ATP2A3: variants seen among roughly 807,000 people sequenced by gnomAD.
The protein encoded by ATP2A3 is sarcoplasmic/endoplasmic reticulum calcium ATPase 3.
In ATP2A3, 61 loss-of-function variants were observed where a neutral mutation model predicts 106.8. The observed-to-expected ratio is 0.57, with a 90% CI of 0.46 to 0.71. The LOEUF is 0.71. Ranked by LOEUF, ATP2A3 falls within the 30% of genes least tolerant of loss-of-function variation. The pLI is 0.00. For missense variants in ATP2A3, 1,201 were observed against 1,423.5 expected, an observed-to-expected ratio of 0.84 and a Z score of 2.52; for synonymous variants, 611 against 609.3, an observed-to-expected ratio of 1.00 and a Z score of -0.04.
rs2054559235 is a variant in ATP2A3, at chr17:3,953,261, G to C, written c.219+86C>G. On this transcript the variant is annotated intron_variant, in intron 3 of 20. Transcript: ENST00000397041. This position sits in a 1 kb window ranked among gnomAD's most constrained non-coding sequence, Gnocchi z 5.1. ...CCCAGGGTGTGGAGGACAGGCCCAG[G>C]CTCCAGGACCTCGGAGCACTGCCCA... The C allele has an allele frequency of 1.4e-5, 20 of 1,454,532 alleles. No individual in the cohort carries two copies. Among genetic ancestry groups the C allele is most frequent in the South Asian group, 3.4e-5 (3 of 87,626 alleles). The allele number at this position is 1,454,532 out of a possible 1,614,324, so 90.1% of individuals were successfully genotyped here.
In ATP2A3 at chr17:3,926,965, G is replaced by A. The variant is rs1189081555; in HGVS notation, c.2981-1524C>T. ...GCTTCCCCACTGCCCTGAGGACAATGTCCAGGGTCTCTACCTTGGCACTCA... is the reference window on the plus strand; with the variant it reads ...GCTTCCCCACTGCCCTGAGGACAATATCCAGGGTCTCTACCTTGGCACTCA... On this transcript the variant is annotated intron_variant, in intron 20 of 20. Coordinates refer to ENST00000397041, the MANE Select transcript of ATP2A3 (RefSeq NM_005173.4). The surrounding 1 kb of genome is among the most constrained non-coding windows in gnomAD (Gnocchi z 4.6). 1.7e-5 allele frequency: 17 copies of A among 985,476 alleles called. No homozygotes were observed. Among genetic ancestry groups the A allele is most frequent in the Non-Finnish European group, 2.0e-5 (17 of 829,942 alleles). 61.0% of individuals were successfully genotyped at this position (985,476 alleles called of 1,614,324 possible).
At position 3,929,304 on chromosome 17, in the gene ATP2A3, A is replaced by G. The variant is rs2052905643; in HGVS notation, c.2862+24T>C. 1.3e-6 allele frequency: 2 copies of G among 1,534,522 alleles called. No individual in the cohort carries two copies. The highest frequency in any genetic ancestry group is 2.8e-5 in the African/African-American group (2 of 72,666). ...GCCTGTGATGTCCAGGGACCAGGGC[A>G]GTGGGGCAGGCGGGGTGACTCACAG... On this transcript the variant is annotated intron_variant, in intron 19 of 20. Transcript: ENST00000397041. The surrounding 1 kb of genome is among the most constrained non-coding windows in gnomAD (Gnocchi z 4.3).
intron 10 of ATP2A3, 46 bp downstream of exon 10, chr17:3,944,658 T>G: frequency 1.3e-6 from 2 of 1,585,782 alleles, no homozygotes; most frequent in Non-Finnish European, 1.7e-6. Context: ...GGGTCTGTCC[T>G]GGTCGCCTGG....
chr17:3,931,723 G>A (rs368052380), intron 17 of ATP2A3, among the ~76,000 whole-genome samples: 31 of 152,082 alleles, frequency 2.0e-4, no homozygotes, highest in East Asian at 1.4e-3. Flanking sequence ...GGGTTTCACC[G>A]TGTTAGCCAG....
At chr17:3,941,744 T>A (rs2053792587) in intron 12 of ATP2A3, 90 bp from the exon 13 acceptor site, 2 of 1,420,682 alleles carry the variant, frequency 1.4e-6, no homozygotes, top group Admixed American at 3.8e-5. Flanking sequence ...GAGACTAAGA[T>A]ACGGGCAAAG....
chr17:3,944,092 A>G (rs908053169), intron 10 of ATP2A3, among the ~76,000 whole-genome samples: 9 of 152,178 alleles, frequency 5.9e-5, no homozygotes, highest in African/African-American at 2.2e-4. Flanking sequence ...GGCTCCAGCC[A>G]GGGCTCAGCC....
At chr17:3,944,881 TAGGAGGGGGCTCCGCCTCTTGGCCCCGC>T in intron 9 of ATP2A3, 75 bp from the exon 10 acceptor site, 1 of 866,952 alleles carries the variant, frequency 1.2e-6, no homozygotes, top group South Asian at 1.6e-5. Flanking sequence ...GCCCCGCCCC[TAGGAGGGGGCTCCGCCTCTTGGCCCCGC>T]CCCCAGAAGG....
At position 3,940,958 on chromosome 17, in the gene ATP2A3, G is replaced by C. The variant is rs780427574; in HGVS notation, c.2100+13C>G. 1.8e-5 allele frequency: 29 copies of C among 1,613,786 alleles called. No homozygotes were observed. The highest frequency in any genetic ancestry group is 2.5e-5 in the Non-Finnish European group (29 of 1,179,742). ...TCATCACCCCCTCCTGGGGCTCCAG[G>C]CTGTGGCCTCACCATAGCAGTGATC... On this transcript the variant is annotated intron_variant, in intron 14 of 20. Coordinates refer to ENST00000397041, the MANE Select transcript of ATP2A3 (RefSeq NM_005173.4).
chr17:3,931,657 G>A (rs982441020), intron 17 of ATP2A3, among the ~76,000 whole-genome samples: 1 of 152,002 alleles, frequency 6.6e-6, no homozygotes, highest in Non-Finnish European at 1.5e-5. Context: ...AAGTAGCTGG[G>A]ACTACAGGCG....
chr17:3,936,119 C>T lies in ATP2A3; in HGVS notation c.2524+148G>A. ...TGCCAGTGATACTGAGACCCAGATCCCGCCATGCCTGGTCTTTTCCATTAC... is the reference window on the plus strand; with the variant it reads ...TGCCAGTGATACTGAGACCCAGATCTCGCCATGCCTGGTCTTTTCCATTAC... On this transcript the variant is annotated intron_variant, in intron 16 of 20. Coordinates refer to ENST00000397041, the MANE Select transcript of ATP2A3 (RefSeq NM_005173.4). This position sits in a 1 kb window ranked among gnomAD's most constrained non-coding sequence, Gnocchi z 5.4. 2.9e-6 allele frequency: 3 copies of T among 1,044,412 alleles called. No individual in the cohort carries two copies. Among genetic ancestry groups the T allele is most frequent in the Non-Finnish European group, 4.3e-6 (3 of 694,226 alleles). 64.7% of individuals were successfully genotyped at this position (1,044,412 alleles called of 1,614,324 possible).
At chr17:3,943,598 G>C (rs1597622282) in intron 10 of ATP2A3, 76 bp from the exon 11 acceptor site, 3 of 1,058,604 alleles carry the variant, frequency 2.8e-6, no homozygotes, top group Non-Finnish European at 3.9e-6. Flanking sequence ...CTCACTCCTT[G>C]CCCCTGCAGC....
At position 3,931,764 on chromosome 17, in the gene ATP2A3, G is replaced by A. The variant is rs985057912; in HGVS notation, c.2611-1330C>T. ...TCTAGAACTCCTGACCTCGTGATCC[G>A]CCCGCCTTGGCCTCCCAAAGTGCTG... On this transcript the variant is annotated intron_variant, in intron 17 of 20. Coordinates refer to ENST00000397041, the MANE Select transcript of ATP2A3 (RefSeq NM_005173.4). 9.2e-5 allele frequency among the ~76,000 whole-genome samples: 14 copies of A among 152,060 alleles called. No homozygotes were observed. In the East Asian group the frequency reaches 1.4e-3, roughly 15 times the overall value.
chr17:3,940,882 G>A (rs2053722967), intron 14 of ATP2A3, 89 bp downstream of exon 14: 1 of 1,415,016 alleles, frequency 7.1e-7, no homozygotes, highest in Admixed American at 1.7e-5. Context: ...GTAAGAATGA[G>A]GCAGAGGGGA....
intron 11 of ATP2A3, among the ~76,000 whole-genome samples, chr17:3,943,105 T>C (rs1259950162): frequency 6.6e-6 from 1 of 152,048 alleles, no homozygotes; most frequent in Non-Finnish European, 1.5e-5. Context: ...CCGGACAACA[T>C]GGTGAAACCC....
chr17:3,944,817 G>T lies in ATP2A3; in HGVS notation c.1185-11C>A, dbSNP rs111431396. ...TGATCCCCCTGCCGCCTGCGGAGCC[G>T]GGGCGGTCACCAGGAGGACCTCGGC... is the stretch of plus-strand genomic sequence containing the variant. On this transcript the variant is annotated splice_polypyrimidine_tract_variant and intron_variant, in intron 9 of 20. Coordinates refer to ENST00000397041, the MANE Select transcript of ATP2A3 (RefSeq NM_005173.4). The T allele has an allele frequency of 6.2e-7, 1 of 1,602,514 alleles. No homozygotes were observed. The highest frequency in any genetic ancestry group is 1.7e-5 in the Admixed American group (1 of 58,878).
At chr17:3,937,771 T>C (rs2053534546) in intron 14 of ATP2A3, 135 bp from the exon 15 acceptor site, 3 of 929,154 alleles carry the variant, frequency 3.2e-6, no homozygotes, top group African/African-American at 1.6e-5. Context: ...AAATGGTGGG[T>C]TCAAGAATGA....
intron 8 of ATP2A3, among the ~76,000 whole-genome samples, chr17:3,945,717 C>G (rs2054076492): frequency 6.6e-6 from 1 of 152,342 alleles, no homozygotes; most frequent in African/African-American, 2.4e-5. Context: ...GCTTACCTGG[C>G]CCAGCATGCC....
In ATP2A3 at chr17:3,943,502, C is replaced by T. The variant is rs752428187; in HGVS notation, c.1308G>A (p.Lys436=). ...GAGCTGTCTCCGTGGCCTCTCCCACCTTCTCATACACACCCTTGGCCTGGC... is the reference window on the plus strand; with the variant it reads ...GAGCTGTCTCCGTGGCCTCTCCCACTTTCTCATACACACCCTTGGCCTGGC... The part of the protein sequence containing the change: ...DYNEAKGVYE[K]VGEATETALT... Residue 436 remains lysine, a synonymous_variant, in exon 11 of 21, where the codon AAG becomes AAA. Coordinates refer to ENST00000397041, the MANE Select transcript of ATP2A3 (RefSeq NM_005173.4). 1 of 1,614,104 alleles carries T rather than the reference C, an allele frequency of 6.2e-7. No homozygotes were observed. Among genetic ancestry groups the T allele is most frequent in the Non-Finnish European group, 8.5e-7 (1 of 1,179,976 alleles).
In ATP2A3 at chr17:3,944,730, T is replaced by C; in HGVS notation, c.1261A>G (p.Asn421Asp). 7 of 1,613,350 alleles carry C rather than the reference T, an allele frequency of 4.3e-6. No homozygotes were observed. The highest frequency in any genetic ancestry group is 5.9e-6 in the Non-Finnish European group (7 of 1,179,720). Residue 421 changes from asparagine to aspartate, a missense_variant, in exon 10 of 21, where the codon AAC becomes GAC. By Grantham distance (23) the Asn-to-Asp change is conservative. Coordinates refer to ENST00000397041, the MANE Select transcript of ATP2A3 (RefSeq NM_005173.4). The part of the protein sequence containing the change: ...VELATICALC[N>D]DSALDYNEAK... ...TCGTTGTAGTCCAGAGCCGAGTCGT[T>C]GCACAGGGCGCAGATGGTCGCCAGC... is the stretch of plus-strand genomic sequence containing the variant.
Sources: gnomAD v4.1 joint callset for allele counts (sites outside exome capture counted in the v4.1 genomes callset) on GRCh38, gnomAD v4.1.1 for gene constraint, Gnocchi (gnomAD v3.1) non-coding constraint, MANE v1.5 for transcripts, NCBI Gene and HGNC (gene_info 2026-07-23, HGNC 2026-07-21) for gene names.